The following RASAL2 variants were observed in gnomAD, a reference collection of about 807,000 sequenced individuals.
The protein encoded by RASAL2 is RAS protein activator like 2, also known as ras GTPase-activating protein nGAP.
A neutral mutation model predicts 128.9 loss-of-function variants in RASAL2; 58 were observed. The observed-to-expected ratio is 0.45, with a 90% confidence interval of 0.36 to 0.56. RASAL2 has a LOEUF of 0.56. Ranked by LOEUF, RASAL2 falls within the 20% of genes least tolerant of loss-of-function variation. The pLI, the probability that RASAL2 is intolerant of heterozygous loss-of-function variation, is 0.00. For synonymous variants in RASAL2, 561 were observed against 580.8 expected (o/e 0.97, Z 0.49); for missense variants, 1,360 against 1,601.6 (o/e 0.85, Z 2.57).
chr1:178,427,614 A>G (rs1675594926), intron 5 of RASAL2, among the ~76,000 whole-genome samples: 1 of 152,150 alleles, frequency 6.6e-6, no homozygotes, highest in East Asian at 1.9e-4. Flanking sequence ...TTATATAAAG[A>G]AAGTTGCAAA....
intron 3 of RASAL2, among the ~76,000 whole-genome samples, chr1:178,352,454 C>A (rs1450899706): frequency 1.3e-5 from 2 of 152,166 alleles, no homozygotes; most frequent in East Asian, 3.9e-4. Context: ...GCTCCCAAGG[C>A]CTTGGGCAAT....
chr1:178,430,965 T>C (rs1052570316), intron 5 of RASAL2, among the ~76,000 whole-genome samples: 1 of 150,764 alleles, frequency 6.6e-6, no homozygotes, highest in Non-Finnish European at 1.5e-5. Context: ...ACCAGCAGAA[T>C]ACTATACGGT....
At position 178,451,714 on chromosome 1, in the gene RASAL2, T is replaced by C. The variant is rs762892904; in HGVS notation, c.1771T>C (p.Cys591Arg). ...LAFCKIINSY[C>R]VFPRELKEVF... The stretch of plus-strand genomic sequence containing the variant: ...TTTCTGCAAGATCATCAACTCTTAC[T>C]GGTGAGCTTATCTTATCCTCTGCCT... The change falls in exon 10 of 18, where the codon TGT (cysteine) becomes CGT (arginine). Residue 591 changes from cysteine to arginine, a missense_variant and splice_region_variant. Around this residue, in one of 3 missense-constraint regions of RASAL2, gnomAD observed 741 missense variants for 868.6 expected, o/e 0.85. Coordinates refer to ENST00000367649, the MANE Select transcript of RASAL2 (RefSeq NM_170692.4). The C allele has an allele frequency of 3.7e-6, 6 of 1,613,040 alleles. No individual in the cohort carries two copies. The highest frequency in any genetic ancestry group is 5.1e-6 in the Non-Finnish European group (6 of 1,179,442).
intron 3 of RASAL2, among the ~76,000 whole-genome samples, chr1:178,315,502 TCTCA>T (rs1668466455): frequency 6.9e-6 from 1 of 145,316 alleles, no homozygotes; most frequent in Admixed American, 6.7e-5. Context: ...TGAGATGGTA[TCTCA>T]TTGTGGTTTT....
chr1:178,279,912 G>T (rs769009973), intron 1 of RASAL2, among the ~76,000 whole-genome samples: 3 of 152,078 alleles, frequency 2.0e-5, no homozygotes, highest in Non-Finnish European at 2.9e-5. Context: ...ATAATGAAAG[G>T]TGTCAATATT....
At chr1:178,289,596 T>A (rs1040320139) in intron 2 of RASAL2, among the ~76,000 whole-genome samples, 1 of 152,144 alleles carries the variant, frequency 6.6e-6, no homozygotes, top group Non-Finnish European at 1.5e-5. Flanking sequence ...ATTACAGGCA[T>A]GAGCCACTGC....
chr1:178,431,965 G>C (rs1675939902), intron 5 of RASAL2, among the ~76,000 whole-genome samples: 1 of 149,992 alleles, frequency 6.7e-6, no homozygotes, highest in Non-Finnish European at 1.5e-5. Flanking sequence ...ACATATATGG[G>C]TACCTTCGTA....
chr1:178,319,382 A>C (rs1329288222), intron 3 of RASAL2, among the ~76,000 whole-genome samples: 2 of 151,770 alleles, frequency 1.3e-5, no homozygotes, highest in Non-Finnish European at 2.9e-5. Context: ...AATATCCTGC[A>C]GTGTGTTTTC....
At chr1:178,192,699 T>C (rs1439558239) in intron 1 of RASAL2, among the ~76,000 whole-genome samples, 1 of 152,198 alleles carries the variant, frequency 6.6e-6, no homozygotes, top group Non-Finnish European at 1.5e-5. Flanking sequence ...GTAAGCAATT[T>C]AGCAACCTAC....
rs1330554060 is a variant in RASAL2 at position 178,322,824 on chromosome 1, C to T, written c.457+22706C>T. On this transcript the variant is annotated intron_variant, in intron 3 of 17. Transcript: ENST00000367649. ...CAAATTTACAGTGACACTAAACGTC[C>T]TATATATTCTGACTGAGAGTTAGCT... is the stretch of plus-strand genomic sequence containing the variant. Among the ~76,000 whole-genome samples the T allele has an allele frequency of 2.0e-5, 3 of 152,120 alleles. No homozygotes were observed. The East Asian group carries it at 5.8e-4, about 29-fold the overall frequency.
intron 1 of RASAL2, among the ~76,000 whole-genome samples, chr1:178,135,122 A>G (rs1277031972): frequency 6.6e-6 from 1 of 152,196 alleles, no homozygotes; most frequent in Non-Finnish European, 1.5e-5. Context: ...CATCCACCCT[A>G]CAGTCCTGAT....
chr1:178,136,626 G>A (rs893752169), intron 1 of RASAL2, among the ~76,000 whole-genome samples: 4 of 151,518 alleles, frequency 2.6e-5, no homozygotes, highest in East Asian at 1.9e-4. Flanking sequence ...GCGTGGTGGC[G>A]GGTGCCAGTA....
chr1:178,247,415 G>T (rs1181928889), intron 1 of RASAL2, among the ~76,000 whole-genome samples: 1 of 152,052 alleles, frequency 6.6e-6, no homozygotes, highest in Non-Finnish European at 1.5e-5. Context: ...TGTGGGATCA[G>T]TGATGATATC....
intron 1 of RASAL2, among the ~76,000 whole-genome samples, chr1:178,237,578 G>A (rs941690146): frequency 6.6e-6 from 1 of 152,128 alleles, no homozygotes; most frequent in Non-Finnish European, 1.5e-5. Flanking sequence ...CAATGTGGTG[G>A]TAACTTTAAT....
intron 1 of RASAL2, among the ~76,000 whole-genome samples, chr1:178,175,911 A>G (rs1342667385): frequency 1.3e-5 from 2 of 152,190 alleles, no homozygotes; most frequent in Non-Finnish European, 1.5e-5. Context: ...GCAGAGTAGT[A>G]TTCCATGGTG....
chr1:178,223,488 T>G (rs2102007490), intron 1 of RASAL2, among the ~76,000 whole-genome samples: 1 of 152,226 alleles, frequency 6.6e-6, no homozygotes, highest in Middle Eastern at 3.4e-3. Context: ...GTGACAGGTG[T>G]GAAGAACTGA....
At chr1:178,278,950 T>C (rs17360859) in intron 1 of RASAL2, among the ~76,000 whole-genome samples, 9,415 of 152,292 alleles carry the variant, frequency 0.062, 371 homozygotes, top group Middle Eastern at 0.088. Flanking sequence ...AGATCTATTG[T>C]TATTGTTGTT....
At chr1:178,242,447 C>T (rs1348320917) in intron 1 of RASAL2, among the ~76,000 whole-genome samples, 1 of 89,796 alleles carries the variant, frequency 1.1e-5, no homozygotes, top group African/African-American at 5.1e-5. Flanking sequence ...CTCTCTCTCT[C>T]TCTCTCTCTC....
Position 178,473,328 on chromosome 1 carries a change from G to C in RASAL2, c.*89G>C. 1 of 1,486,876 alleles carries C rather than the reference G, an allele frequency of 6.7e-7. No individual in the cohort carries two copies. Among genetic ancestry groups the C allele is most frequent in the Non-Finnish European group, 9.3e-7 (1 of 1,080,948 alleles). The allele number at this position is 1,486,876 out of a possible 1,614,324, so 92.1% of individuals were successfully genotyped here. ...CCTAGCCCCTCCAGGTTTACAGAAT[G>C]TTGCTACTTCACAATGGCGATGTGG... On this transcript the variant is annotated 3_prime_UTR_variant, in exon 18 of 18. Coordinates refer to ENST00000367649, the MANE Select transcript of RASAL2 (RefSeq NM_170692.4).
Sources: allele counts gnomAD v4.1 joint callset (sites outside exome capture counted in the v4.1 genomes callset), GRCh38; gene constraint gnomAD v4.1.1; regional missense constraint gnomAD v4.1.1; transcripts MANE v1.5; gene names NCBI Gene and HGNC (gene_info 2026-07-23, HGNC 2026-07-21).